FRMD4A: variants seen among roughly 807,000 people sequenced by gnomAD.
FRMD4A encodes the protein FERM domain-containing protein 4A.
Under a neutral mutation model 129.1 loss-of-function variants are expected in FRMD4A, and 29 were observed. The ratio of observed to expected loss-of-function variants is 0.22; its 90% confidence interval spans 0.17 to 0.31. The LOEUF (loss-of-function observed/expected upper bound fraction) is 0.31. Ranked by LOEUF, FRMD4A falls within the 10% of genes least tolerant of loss-of-function variation. The pLI is 1.00. For missense variants in FRMD4A, 1,272 were observed against 1,375.8 expected, an observed-to-expected ratio of 0.92 and a Z score of 1.19; for synonymous variants, 634 against 571.6, an observed-to-expected ratio of 1.11 and a Z score of -1.56.
intron 2 of FRMD4A, among the ~76,000 whole-genome samples, chr10:13,907,736 C>T (rs1438538730): frequency 2.0e-5 from 3 of 152,102 alleles, no homozygotes; most frequent in Admixed American, 2.0e-4. Context: ...TGTCACCTGC[C>T]AGGATCAGTG....
chr10:14,128,800 C>A (rs148177068), intron 2 of FRMD4A, among the ~76,000 whole-genome samples: 3 of 152,292 alleles, frequency 2.0e-5, no homozygotes, highest in Non-Finnish European at 2.9e-5. Context: ...CCCGACACCA[C>A]TTTCAGCATG....
chr10:14,228,561 G>A (rs1356976557), intron 2 of FRMD4A, among the ~76,000 whole-genome samples: 1 of 152,192 alleles, frequency 6.6e-6, no homozygotes, highest in South Asian at 2.1e-4. Context: ...GTTTATTTGA[G>A]AAAATCTTGT....
At chr10:13,699,543 G>A (rs1175511690) in intron 14 of FRMD4A, among the ~76,000 whole-genome samples, 2 of 152,294 alleles carry the variant, frequency 1.3e-5, no homozygotes, top group South Asian at 2.1e-4. Flanking sequence ...TGCAAAAACC[G>A]GCGCAGAGAG....
At chr10:13,681,440 T>C (rs1326451365) in intron 15 of FRMD4A, among the ~76,000 whole-genome samples, 2 of 151,702 alleles carry the variant, frequency 1.3e-5, no homozygotes, top group African/African-American at 2.4e-5. Flanking sequence ...GGTTATTGAT[T>C]GAGAAAACAG....
intron 2 of FRMD4A, among the ~76,000 whole-genome samples, chr10:14,182,993 GC>G (rs1371921024): frequency 2.6e-5 from 4 of 152,168 alleles, no homozygotes; most frequent in Admixed American, 6.5e-5. Flanking sequence ...GGTGCGTGGG[GC>G]TGTCGTAAGC....
intron 2 of FRMD4A, among the ~76,000 whole-genome samples, chr10:13,946,777 G>A (rs886757832): frequency 6.6e-6 from 1 of 152,006 alleles, no homozygotes; most frequent in Non-Finnish European, 1.5e-5. Context: ...TGGGTGATGT[G>A]TTCTGTCTGT....
intron 2 of FRMD4A, among the ~76,000 whole-genome samples, chr10:14,039,874 C>A (rs1461144401): frequency 3.9e-5 from 6 of 152,148 alleles, no homozygotes; most frequent in Middle Eastern, 3.2e-3. Flanking sequence ...GCATCCTTAA[C>A]TTTGGCAAAA....
intron 2 of FRMD4A, among the ~76,000 whole-genome samples, chr10:14,001,963 C>A (rs558817368): frequency 6.6e-6 from 1 of 152,188 alleles, no homozygotes; most frequent in Non-Finnish European, 1.5e-5. Flanking sequence ...ACACACTCAA[C>A]GATAGAGACT....
intron 2 of FRMD4A, among the ~76,000 whole-genome samples, chr10:14,206,533 C>T (rs1359146052): frequency 1.3e-5 from 2 of 152,064 alleles, no homozygotes; most frequent in African/African-American, 4.8e-5. Flanking sequence ...CTCAGTGGCT[C>T]ACGCCTGTAA....
chr10:14,258,901 A>T (rs1844706083), intron 2 of FRMD4A, among the ~76,000 whole-genome samples: 1 of 152,230 alleles, frequency 6.6e-6, no homozygotes, highest in Non-Finnish European at 1.5e-5. Flanking sequence ...GAAGTCAGCA[A>T]AAAAGAGTAC....
rs74121700 is a variant in FRMD4A, at chr10:13,810,796, G to T, written c.206+18C>A. On this transcript the variant is annotated intron_variant, in intron 4 of 24. Transcript: ENST00000357447. ...CTGACTCTCCCTTCGGGCTGTGAGG[G>T]CTCAAGGCAGTACTTACGTTTCATC... The T allele has an allele frequency of 3.0e-3, 4,026 of 1,335,950 alleles. 108 individuals carry two copies. In the African/African-American group the frequency reaches 0.05, roughly 16 times the overall value. 82.8% of individuals were successfully genotyped at this position (1,335,950 alleles called of 1,614,324 possible).
intron 2 of FRMD4A, among the ~76,000 whole-genome samples, chr10:14,191,564 CAA>C (rs1173447821): frequency 6.6e-6 from 1 of 152,182 alleles, no homozygotes; most frequent in African/African-American, 2.4e-5. Context: ...TGTGACTACA[CAA>C]GAGAACAAAA....
At chr10:14,159,987 T>C (rs1343766726) in intron 2 of FRMD4A, among the ~76,000 whole-genome samples, 1 of 151,898 alleles carries the variant, frequency 6.6e-6, no homozygotes, top group Non-Finnish European at 1.5e-5. Context: ...GAGGCAGAGG[T>C]CACAGTGAGC....
intron 2 of FRMD4A, among the ~76,000 whole-genome samples, chr10:13,950,801 A>G (rs891756810): frequency 2.0e-5 from 3 of 152,148 alleles, no homozygotes; most frequent in Admixed American, 2.0e-4. Context: ...TTCAGCTCAG[A>G]TGTCATCATG....
intron 2 of FRMD4A, among the ~76,000 whole-genome samples, chr10:14,171,827 T>C (rs1011303021): frequency 1.3e-5 from 2 of 152,152 alleles, no homozygotes; most frequent in Non-Finnish European, 2.9e-5. Context: ...TGACCTATCA[T>C]CATACCAGGA....
At chr10:14,266,198 T>A (rs988974002) in intron 2 of FRMD4A, among the ~76,000 whole-genome samples, 1 of 151,984 alleles carries the variant, frequency 6.6e-6, no homozygotes, top group Non-Finnish European at 1.5e-5. Flanking sequence ...CATTGTAGGA[T>A]GTTAAGCAGC....
At chr10:13,754,674 G>T (rs2091781196) in intron 8 of FRMD4A, among the ~76,000 whole-genome samples, 1 of 151,878 alleles carries the variant, frequency 6.6e-6, no homozygotes, top group Admixed American at 6.6e-5. Context: ...TCTTTGGGCT[G>T]TTAGGTGTGT....
intron 2 of FRMD4A, among the ~76,000 whole-genome samples, chr10:14,124,365 G>A (rs1313636110): frequency 6.6e-6 from 1 of 152,158 alleles, no homozygotes; most frequent in South Asian, 2.1e-4. Flanking sequence ...TCACAGATAA[G>A]CAAACTGAAG....
At chr10:13,712,314 G>A (rs1459591412) in intron 12 of FRMD4A, among the ~76,000 whole-genome samples, 1 of 152,190 alleles carries the variant, frequency 6.6e-6, no homozygotes, top group Non-Finnish European at 1.5e-5. Flanking sequence ...TTGAGGTCAG[G>A]AGCTCGAGAC....
Sources: gnomAD v4.1 joint callset for allele counts (sites outside exome capture counted in the v4.1 genomes callset) on GRCh38, gnomAD v4.1.1 for gene constraint, MANE v1.5 for transcripts, NCBI Gene and HGNC (gene_info 2026-07-23, HGNC 2026-07-21) for gene names.